The following LSAMP variants were observed in gnomAD, a reference collection of about 807,000 sequenced individuals.
LSAMP encodes limbic system associated membrane protein.
In LSAMP, 7 loss-of-function variants were observed where a neutral mutation model predicts 38.6. That is an observed-to-expected ratio of 0.18 (90% CI 0.10 to 0.34). LSAMP has a LOEUF of 0.34. Among genes scored for constraint, LSAMP ranks in the 10% least tolerant of loss-of-function variants. The pLI, the probability that LSAMP is intolerant of heterozygous loss-of-function variation, is 1.00. For synonymous variants in LSAMP, 154 were observed against 166.8 expected (o/e 0.92, Z 0.59); for missense variants, 313 against 420.0 (o/e 0.75, Z 2.23).
intron 1 of LSAMP, among the ~76,000 whole-genome samples, chr3:116,154,855 T>C (rs1709704665): frequency 6.6e-6 from 1 of 152,172 alleles, no homozygotes; most frequent in Non-Finnish European, 1.5e-5. Context: ...TTACCTAAAC[T>C]TAAAAGTAAA....
chr3:115,815,531 G>T (rs34469348), intron 6 of LSAMP, among the ~76,000 whole-genome samples: 49,008 of 152,084 alleles, frequency 0.32, 8,369 homozygotes, highest in African/African-American at 0.43. Flanking sequence ...CATCACATCT[G>T]TTTCATCAAC....
chr3:115,826,443 C>T (rs1252499460), intron 6 of LSAMP, among the ~76,000 whole-genome samples: 1 of 152,162 alleles, frequency 6.6e-6, no homozygotes, highest in African/African-American at 2.4e-5. Context: ...ACCTGGAAGT[C>T]TTCCCCCATT....
At chr3:116,157,383 T>C (rs1316199812) in intron 1 of LSAMP, among the ~76,000 whole-genome samples, 1 of 152,188 alleles carries the variant, frequency 6.6e-6, no homozygotes, top group Non-Finnish European at 1.5e-5. Context: ...GGCGCTCCTA[T>C]GTTCATTACT....
At chr3:116,412,956 T>G (rs939918820) in intron 1 of LSAMP, among the ~76,000 whole-genome samples, 3 of 152,114 alleles carry the variant, frequency 2.0e-5, no homozygotes, top group African/African-American at 7.2e-5. Flanking sequence ...TGTAGCCAGA[T>G]GCTGTTCACC....
intron 1 of LSAMP, among the ~76,000 whole-genome samples, chr3:116,330,468 T>C (rs992733844): frequency 6.6e-6 from 1 of 152,128 alleles, no homozygotes; most frequent in African/African-American, 2.4e-5. Flanking sequence ...TAACCGTTAT[T>C]GTTACATCTG....
chr3:116,397,087 G>A (rs970411625), intron 1 of LSAMP, among the ~76,000 whole-genome samples: 3 of 152,118 alleles, frequency 2.0e-5, no homozygotes, highest in African/African-American at 7.2e-5. Flanking sequence ...AAGTCATCGT[G>A]TCACTCCTCT....
intron 1 of LSAMP, among the ~76,000 whole-genome samples, chr3:116,402,656 G>A (rs1271009378): frequency 6.6e-6 from 1 of 151,798 alleles, no homozygotes; most frequent in African/African-American, 2.4e-5. Flanking sequence ...ACATCATCAA[G>A]CATATATATA....
In LSAMP at chr3:116,019,589, C is replaced by T; in HGVS notation, c.440G>A (p.Ser147Asn). Residue 147 changes from serine to asparagine, a missense_variant, in exon 3 of 7, where the codon AGC becomes AAC. By Grantham distance (46) the Ser-to-Asn change is conservative. Transcript: ENST00000490035. ...ISSDVTVNEG[S>N]NVTLVCMANG... ...GGCCATGCAGACCAGAGTCACGTTG[C>T]TGCCCTCATTCACAGTGACATCCGA... is the stretch of plus-strand genomic sequence containing the variant. 1.2e-6 allele frequency: 2 copies of T among 1,613,046 alleles called. No homozygotes were observed. The highest frequency in any genetic ancestry group is 1.7e-6 in the Non-Finnish European group (2 of 1,179,164).
chr3:116,093,685 T>C (rs896351355), intron 1 of LSAMP, among the ~76,000 whole-genome samples: 1 of 152,222 alleles, frequency 6.6e-6, no homozygotes, highest in Non-Finnish European at 1.5e-5. Flanking sequence ...ATTGATTTTT[T>C]TTAAGAAAAT....
At position 116,041,242 on chromosome 3, in the gene LSAMP, C is replaced by T. The variant is rs151142478; in HGVS notation, c.389-21602G>A. Among the ~76,000 whole-genome samples the T allele has an allele frequency of 2.5e-3, 384 of 152,140 alleles. 4 individuals carry two copies. The highest frequency in any genetic ancestry group is 9.0e-3 in the African/African-American group (372 of 41,496). On this transcript the variant is annotated intron_variant, in intron 2 of 6. Coordinates refer to ENST00000490035, the MANE Select transcript of LSAMP (RefSeq NM_002338.5). ...CCTGATCCTACATATTTTTAAGGCC[C>T]ATATTAGCCAACAAAATGGTGAATT...
intron 1 of LSAMP, among the ~76,000 whole-genome samples, chr3:116,392,092 G>T (rs1157072113): frequency 1.3e-5 from 2 of 152,200 alleles, no homozygotes; most frequent in African/African-American, 4.8e-5. Context: ...CTGAAAGCCT[G>T]CCCAGGCCCA....
intron 1 of LSAMP, among the ~76,000 whole-genome samples, chr3:116,190,016 A>G (rs547600507): frequency 2.4e-4 from 37 of 152,068 alleles, no homozygotes; most frequent in East Asian, 1.5e-3. Context: ...TTACCTTTCA[A>G]TGTAAAAAAT....
At chr3:116,230,736 C>T (rs1051451185) in intron 1 of LSAMP, among the ~76,000 whole-genome samples, 2 of 152,070 alleles carry the variant, frequency 1.3e-5, no homozygotes, top group Non-Finnish European at 2.9e-5. Flanking sequence ...CTTTTGTGCG[C>T]TGATGCATTT....
At chr3:115,850,819 T>C (rs1935305991) in intron 4 of LSAMP, among the ~76,000 whole-genome samples, 1 of 152,230 alleles carries the variant, frequency 6.6e-6, no homozygotes, top group Non-Finnish European at 1.5e-5. Flanking sequence ...TCACAGGTAA[T>C]GGTGCATCCC....
At chr3:115,978,764 C>T (rs1004719004) in intron 3 of LSAMP, among the ~76,000 whole-genome samples, 3 of 151,734 alleles carry the variant, frequency 2.0e-5, no homozygotes, top group African/African-American at 7.3e-5. Context: ...TATCAACTTA[C>T]AGCCTATCAG....
chr3:115,821,846 C>T (rs1934250507), intron 6 of LSAMP, among the ~76,000 whole-genome samples: 1 of 152,118 alleles, frequency 6.6e-6, no homozygotes, highest in South Asian at 2.1e-4. Context: ...ATGCCAAGGA[C>T]CTGAGGCATA....
intron 1 of LSAMP, among the ~76,000 whole-genome samples, chr3:116,433,419 A>G (rs1002367485): frequency 5.9e-5 from 9 of 152,262 alleles, no homozygotes; most frequent in African/African-American, 2.2e-4. Flanking sequence ...ATTTTTCCTC[A>G]TGGTTATTGG....
At chr3:115,990,154 A>C (rs1939626331) in intron 3 of LSAMP, among the ~76,000 whole-genome samples, 1 of 152,052 alleles carries the variant, frequency 6.6e-6, no homozygotes, top group Non-Finnish European at 1.5e-5. Context: ...TCCTTCTTTG[A>C]TTCTTCCTTG....
chr3:116,209,276 C>G (rs1201458491), intron 1 of LSAMP, among the ~76,000 whole-genome samples: 1 of 152,156 alleles, frequency 6.6e-6, no homozygotes, highest in Non-Finnish European at 1.5e-5. Context: ...GGTGCGCGCA[C>G]CCACTGACCT....
Sources: allele counts gnomAD v4.1 joint callset (sites outside exome capture counted in the v4.1 genomes callset), GRCh38; gene constraint gnomAD v4.1.1; transcripts MANE v1.5; gene names NCBI Gene and HGNC (gene_info 2026-07-23, HGNC 2026-07-21).